Variants in CLVS2 observed in about 807,000 individuals in gnomAD.
CLVS2 encodes the protein clavesin 2, also known as clavesin-2.
CLVS2 carries 19 observed loss-of-function variants against 29.0 expected under a neutral mutation model. That is an observed-to-expected ratio of 0.66 (90% CI 0.46 to 0.96). The LOEUF (loss-of-function observed/expected upper bound fraction) is 0.96, where lower values mean the gene tolerates loss of function less well. Among genes scored for constraint, CLVS2 ranks in the 40% least tolerant of loss-of-function variants. The pLI is 0.00. For missense variants in CLVS2, 294 were observed against 404.1 expected, an observed-to-expected ratio of 0.73 and a Z score of 2.34; for synonymous variants, 161 against 151.3, an observed-to-expected ratio of 1.06 and a Z score of -0.47.
At chr6:123,007,052 T>C (rs1197854271) in intron 2 of CLVS2, among the ~76,000 whole-genome samples, 1 of 152,232 alleles carries the variant, frequency 6.6e-6, no homozygotes, top group Non-Finnish European at 1.5e-5. Flanking sequence ...GTTTCTATTA[T>C]ATGTCAAGTA....
At chr6:123,005,212 T>C (rs190864888) in intron 2 of CLVS2, among the ~76,000 whole-genome samples, 104 of 152,310 alleles carry the variant, frequency 6.8e-4, no homozygotes, top group African/African-American at 2.4e-3. Flanking sequence ...TTGAAATTGC[T>C]TTGGAAATCT....
intron 3 of CLVS2, among the ~76,000 whole-genome samples, chr6:123,031,055 C>T (rs1272458986): frequency 6.6e-6 from 1 of 151,982 alleles, no homozygotes; most frequent in Non-Finnish European, 1.5e-5. Flanking sequence ...ACATCAGCCT[C>T]CCAAGTAGCT....
chr6:123,059,629 CTGT>C (rs1772746256), intron 5 of CLVS2, among the ~76,000 whole-genome samples: 1 of 152,146 alleles, frequency 6.6e-6, no homozygotes, highest in African/African-American at 2.4e-5. Context: ...CTTTGGGTTG[CTGT>C]TGTTGTCACT....
At chr6:123,016,186 A>G (rs1351777248) in intron 3 of CLVS2, among the ~76,000 whole-genome samples, 3 of 151,882 alleles carry the variant, frequency 2.0e-5, no homozygotes, top group Admixed American at 2.0e-4. Context: ...TAGTCATAGA[A>G]ACAGGAAGTT....
chr6:122,997,897 C>T lies in CLVS2; in HGVS notation c.120C>T (p.Thr40=). The T allele has an allele frequency of 6.2e-7, 1 of 1,614,198 alleles. No individual in the cohort carries two copies. Among genetic ancestry groups the T allele is most frequent in the Non-Finnish European group, 8.5e-7 (1 of 1,180,040 alleles). Residue 40 remains threonine, a synonymous_variant, in exon 2 of 6, where the codon ACC becomes ACT. Coordinates refer to ENST00000275162, the MANE Select transcript of CLVS2 (RefSeq NM_001010852.4). ...DIQEVRDMVI[T]RPDIGFLRTD... is the part of the protein sequence containing the mutation. ...AGGAGGTGAGGGATATGGTCATCAC[C>T]AGGCCGGACATTGGCTTTCTGCGCA...
chr6:123,022,726 A>C (rs370741480), intron 3 of CLVS2, among the ~76,000 whole-genome samples: 1 of 151,968 alleles, frequency 6.6e-6, no homozygotes, highest in East Asian at 1.9e-4. Context: ...AGCTTAGAAA[A>C]CCATGCTTAT....
intron 2 of CLVS2, among the ~76,000 whole-genome samples, chr6:123,000,144 GTGTTC>G (rs1369538713): frequency 6.6e-6 from 1 of 152,132 alleles, no homozygotes; most frequent in Non-Finnish European, 1.5e-5. Flanking sequence ...ATGAGAAGCT[GTGTTC>G]TGTAGAAATT....
rs1466288396 is a variant in CLVS2, at chr6:123,056,003, A to G, written c.873A>G (p.Glu291=). Reference sequence around the variant, plus strand: ...TGCCTGTGAAGGAAGTAGAGAAGGAACTCTCCCCAAAGTCCATGAAGAGGT... The same window carrying G: ...TGCCTGTGAAGGAAGTAGAGAAGGAGCTCTCCCCAAAGTCCATGAAGAGGT... ...YSMPVKEVEK[E]LSPKSMKRSQ... The change falls in exon 5 of 6, where the codon GAA becomes GAG. Residue 291 remains glutamate (E), a synonymous_variant. Transcript: ENST00000275162. 1.2e-6 allele frequency: 2 copies of G among 1,612,912 alleles called. No homozygotes were observed. The highest frequency in any genetic ancestry group is 4.5e-5 in the East Asian group (2 of 44,772).
At chr6:123,016,888 A>C (rs188230988) in intron 3 of CLVS2, among the ~76,000 whole-genome samples, 52 of 152,190 alleles carry the variant, frequency 3.4e-4, no homozygotes, top group African/African-American at 1.2e-3. Context: ...GCTGCTACAC[A>C]TTCTGGCTCT....
intron 3 of CLVS2, among the ~76,000 whole-genome samples, chr6:123,022,136 T>C (rs1040485527): frequency 2.0e-5 from 3 of 152,202 alleles, no homozygotes; most frequent in Admixed American, 2.0e-4. Context: ...ATTTTATATA[T>C]AATGTTTAGG....
In CLVS2 at chr6:123,064,616, T is replaced by A. The variant is rs939582849; in HGVS notation, c.*855T>A. On this transcript the variant is annotated 3_prime_UTR_variant, in exon 6 of 6. Coordinates refer to ENST00000275162, the MANE Select transcript of CLVS2 (RefSeq NM_001010852.4). ...CTGACAGCTAATTTTGAACATAAAATTTTCCACTTACAGATGAGGGGCTAA... is the reference window on the plus strand; with the variant it reads ...CTGACAGCTAATTTTGAACATAAAAATTTCCACTTACAGATGAGGGGCTAA... 2.6e-5 allele frequency: 4 copies of A among 151,846 alleles called. No individual in the cohort carries two copies. The highest frequency in any genetic ancestry group is 2.0e-4 in the Admixed American group (3 of 15,190). The allele number at this position is 151,846 out of a possible 1,614,324, so 9.4% of individuals were successfully genotyped here.
At position 123,052,938 on chromosome 6, in the gene CLVS2, T is replaced by TAGA. The variant is rs1772635484; in HGVS notation, c.676-2867_676-2866insGAA. ...ACATATATTTCTAGTGCAGGGATAT[T>TAGA]ATTTTAAAGCCACTGACTGAATAAA... On this transcript the variant is annotated intron_variant, in intron 4 of 5. Coordinates refer to ENST00000275162, the MANE Select transcript of CLVS2 (RefSeq NM_001010852.4). Among the ~76,000 whole-genome samples, 2 of 150,066 alleles carry TAGA rather than the reference T, an allele frequency of 1.3e-5. 1 individual carries two copies. Among genetic ancestry groups the TAGA allele is most frequent in the South Asian group, 4.3e-4 (2 of 4,598 alleles).
chr6:123,047,616 C>T (rs951760947), intron 3 of CLVS2, among the ~76,000 whole-genome samples: 6 of 152,104 alleles, frequency 3.9e-5, no homozygotes, highest in Non-Finnish European at 5.9e-5. Flanking sequence ...TTCAAGAGAA[C>T]ATTTAAATTG....
intron 3 of CLVS2, among the ~76,000 whole-genome samples, chr6:123,022,072 G>C (rs1042652537): frequency 6.6e-6 from 1 of 151,942 alleles, no homozygotes; most frequent in Non-Finnish European, 1.5e-5. Context: ...TGGGTATCAA[G>C]GCCCCTAGCT....
intron 4 of CLVS2, among the ~76,000 whole-genome samples, chr6:123,054,476 C>G (rs965771643): frequency 2.0e-5 from 3 of 152,280 alleles, no homozygotes; most frequent in Admixed American, 6.5e-5. Flanking sequence ...TGCTTTTACT[C>G]TTCTATAATT....
At chr6:123,023,889 G>C (rs1205830901) in intron 3 of CLVS2, among the ~76,000 whole-genome samples, 1 of 152,058 alleles carries the variant, frequency 6.6e-6, no homozygotes, top group East Asian at 1.9e-4. Flanking sequence ...CTGGTATTGT[G>C]ATGATTATAT....
rs1014429707 is a variant in CLVS2 at position 123,014,610 on chromosome 6, A to G, written c.564+3451A>G. 3.3e-5 allele frequency among the ~76,000 whole-genome samples: 5 copies of G among 152,182 alleles called. 1 individual carries two copies. The highest frequency in any genetic ancestry group is 2.6e-4 in the Admixed American group (4 of 15,274). ...TTCAAGTGTTATTATATTAGAAATG[A>G]TACGTCTTCTACCTGGCAGGTAATA... On this transcript the variant is annotated intron_variant, in intron 3 of 5. Coordinates refer to ENST00000275162, the MANE Select transcript of CLVS2 (RefSeq NM_001010852.4).
chr6:122,997,588 C>G lies in CLVS2; in HGVS notation c.-190C>G. 1 of 625,840 alleles carries G rather than the reference C, an allele frequency of 1.6e-6. No homozygotes were observed. Among genetic ancestry groups the G allele is most frequent in the Non-Finnish European group, 2.8e-6 (1 of 354,608 alleles). 38.8% of individuals were successfully genotyped at this position (625,840 alleles called of 1,614,324 possible). ...AAGAAGTTTACACCCCCCGGCCCCC[C>G]CAGCTTTGCTGGGGGAAAGCAGGAG... is the stretch of plus-strand genomic sequence containing the variant. On this transcript the variant is annotated 5_prime_UTR_variant, in exon 2 of 6. Coordinates refer to ENST00000275162, the MANE Select transcript of CLVS2 (RefSeq NM_001010852.4).
chr6:123,054,205 G>A (rs1316760587), intron 4 of CLVS2, among the ~76,000 whole-genome samples: 1 of 152,118 alleles, frequency 6.6e-6, no homozygotes, highest in Non-Finnish European at 1.5e-5. Flanking sequence ...AATAAAATAA[G>A]GGTTGCATGT....
Sources: allele counts gnomAD v4.1 joint callset (sites outside exome capture counted in the v4.1 genomes callset), GRCh38; gene constraint gnomAD v4.1.1; transcripts MANE v1.5; gene names NCBI Gene and HGNC (gene_info 2026-07-23, HGNC 2026-07-21).